The following VPS13A variants were observed in gnomAD, a reference collection of about 807,000 sequenced individuals.
VPS13A encodes the protein vacuolar protein sorting 13 homolog A.
A neutral mutation model predicts 390.9 loss-of-function variants in VPS13A; 264 were observed. The observed-to-expected ratio is 0.68, with a 90% CI of 0.61 to 0.75. The LOEUF (loss-of-function observed/expected upper bound fraction) is 0.75. VPS13A is among the 30% of genes least tolerant of loss of function. The pLI is 0.00. For synonymous variants in VPS13A, 1,231 were observed against 1,227.1 expected (o/e 1.00, Z -0.07); for missense variants, 3,409 against 3,733.9 (o/e 0.91, Z 2.27).
In VPS13A at chr9:77,419,500, C is replaced by G. The variant is rs1377431488; in HGVS notation, c.*3494C>G. On this transcript the variant is annotated 3_prime_UTR_variant, in exon 72 of 72. Transcript: ENST00000360280. ...GAGTCTGGATTGTGTGGAGCCTGACCTTAGATAAGGAGCAGCAGATCCACA... is the reference window on the plus strand; with the variant it reads ...GAGTCTGGATTGTGTGGAGCCTGACGTTAGATAAGGAGCAGCAGATCCACA... 1 of 152,144 alleles carries G rather than the reference C, an allele frequency of 6.6e-6. No individual in the cohort carries two copies. 9.4% of individuals were successfully genotyped at this position (152,144 alleles called of 1,614,324 possible).
intron 20 of VPS13A, 41 bp downstream of exon 20, chr9:77,247,436 G>T (rs1824879696): frequency 1.3e-6 from 2 of 1,539,598 alleles, no homozygotes; most frequent in Non-Finnish European, 1.8e-6. Context: ...CAGCATTTGG[G>T]GTGTTTCTTT....
At chr9:77,227,615 C>T (rs1235617191) in intron 16 of VPS13A, 130 bp downstream of exon 16, 1 of 687,514 alleles carries the variant, frequency 1.5e-6, no homozygotes, top group Non-Finnish European at 2.5e-6. Context: ...AACCTGGCCT[C>T]AAGCAATCCT....
chr9:77,321,386 T>C lies in VPS13A; in HGVS notation c.5574+59T>C, dbSNP rs1829736714. 1.9e-6 allele frequency: 3 copies of C among 1,581,430 alleles called. No homozygotes were observed. In the African/African-American group the frequency reaches 4.0e-5, roughly 21 times the overall value. On this transcript the variant is annotated intron_variant, in intron 43 of 71. Coordinates refer to ENST00000360280, the MANE Select transcript of VPS13A (RefSeq NM_033305.3). ...GATACTTGTCTGATTGATCTGTCTG[T>C]TGAATAAGAAGTTTAATAACTTAGT...
intron 39 of VPS13A, among the ~76,000 whole-genome samples, chr9:77,317,031 T>G (rs1466717670): frequency 6.6e-6 from 1 of 151,996 alleles, no homozygotes; most frequent in Non-Finnish European, 1.5e-5. Context: ...AAGCATAAGT[T>G]TTTGTTTGTT....
At position 77,235,737 on chromosome 9, in the gene VPS13A, T is replaced by A. The variant is rs112698609; in HGVS notation, c.1596-2265T>A. Among the ~76,000 whole-genome samples the A allele has an allele frequency of 2.5e-3, 384 of 152,322 alleles. 1 individual carries two copies. The highest frequency in any genetic ancestry group is 8.7e-3 in the African/African-American group (361 of 41,598). On this transcript the variant is annotated intron_variant, in intron 17 of 71. Coordinates refer to ENST00000360280, the MANE Select transcript of VPS13A (RefSeq NM_033305.3). Reference sequence around the variant, plus strand: ...CTGTTCATTGTTCTTCATTATTCTTTATGCTCCACAGACTCAATAATTTCA... The same window carrying A: ...CTGTTCATTGTTCTTCATTATTCTTAATGCTCCACAGACTCAATAATTTCA...
At chr9:77,290,211 G>T (rs1215672892) in intron 31 of VPS13A, among the ~76,000 whole-genome samples, 1 of 152,112 alleles carries the variant, frequency 6.6e-6, no homozygotes, top group Non-Finnish European at 1.5e-5. Context: ...TTGCTGGGTT[G>T]TGTTTTCCCC....
chr9:77,384,199 T>C (rs1236759507), intron 68 of VPS13A, among the ~76,000 whole-genome samples: 1 of 151,852 alleles, frequency 6.6e-6, no homozygotes, highest in Non-Finnish European at 1.5e-5. Context: ...CACTAAATTA[T>C]ATACACTCAT....
At chr9:77,399,178 A>T (rs1376096352) in intron 68 of VPS13A, among the ~76,000 whole-genome samples, 3 of 89,748 alleles carry the variant, frequency 3.3e-5, no homozygotes, top group Admixed American at 1.1e-4. Context: ...AAAAAAAAAA[A>T]AATAAAAAAA....
Position 77,391,411 on chromosome 9 carries a change from G to C in VPS13A, c.9189+9324G>C, listed in dbSNP as rs149122239. 5.8e-3 allele frequency among the ~76,000 whole-genome samples: 877 copies of C among 152,210 alleles called. 13 individuals are homozygous for C. The highest frequency in any genetic ancestry group is 0.02 in the African/African-American group (847 of 41,532). ...AGTTATCATGCAAAATCAGATTAGA[G>C]GCCTCTTTTCACTCATCCAAAAACA... On this transcript the variant is annotated intron_variant, in intron 68 of 71. Coordinates refer to ENST00000360280, the MANE Select transcript of VPS13A (RefSeq NM_033305.3).
intron 45 of VPS13A, among the ~76,000 whole-genome samples, chr9:77,328,683 C>T (rs953382053): frequency 4.6e-5 from 7 of 152,208 alleles, no homozygotes; most frequent in Non-Finnish European, 8.8e-5. Context: ...TTCCCTTAAA[C>T]CTCGTGAACA....
rs541050921 is a variant in VPS13A, at chr9:77,332,778, T to C, written c.6095+665T>C. Among the ~76,000 whole-genome samples the C allele has an allele frequency of 2.6e-5, 4 of 152,302 alleles. No individual in the cohort carries two copies. The East Asian group carries it at 5.8e-4, about 22-fold the overall frequency. On this transcript the variant is annotated intron_variant, in intron 46 of 71. Coordinates refer to ENST00000360280, the MANE Select transcript of VPS13A (RefSeq NM_033305.3). ...TGGAGAATAAAACTGTTCTCAGAAT[T>C]AAGCATTGTAGTTTGTTTAAATACC...
In VPS13A at chr9:77,340,442, T is replaced by A; in HGVS notation, c.6918T>A (p.Thr2306=). The A allele has an allele frequency of 6.2e-7, 1 of 1,613,566 alleles. No individual in the cohort carries two copies. Among genetic ancestry groups the A allele is most frequent in the East Asian group, 2.2e-5 (1 of 44,758 alleles). ...TAGACCTGAGCAGTTTTAACATTAC[T>A]AGAATTGTGACATTTACCCCTTTTT... ...VTIDLSSFNI[T]RIVTFTPFYM... The change falls in exon 50 of 72, where the codon ACT becomes ACA. Residue 2306 remains threonine, a synonymous_variant. Transcript: ENST00000360280.
chr9:77,410,957 C>T (rs1834890267), intron 71 of VPS13A, among the ~76,000 whole-genome samples: 1 of 152,192 alleles, frequency 6.6e-6, no homozygotes, highest in East Asian at 1.9e-4. Context: ...ATCTACAGAA[C>T]TCTCCACCCC....
At position 77,371,043 on chromosome 9, in the gene VPS13A, G is replaced by C. The variant is rs778668066; in HGVS notation, c.8971G>C (p.Ala2991Pro). The change falls in exon 67 of 72, where the codon GCA becomes CCA. Residue 2991 changes from alanine (A) to proline (P), a missense_variant. Ala to Pro is a conservative substitution (Grantham distance 27). Transcript: ENST00000360280. ...CTTTCCAGGAGCTCAAAAAGGAGGA[G>C]CAGCTGGTTTCTTTAAAGGTGTTGG... ...KPIKGAQKGG[A>P]AGFFKGVGKG... is the part of the protein sequence containing the mutation. The C allele has an allele frequency of 7.4e-6, 12 of 1,614,024 alleles. No individual in the cohort carries two copies. The highest frequency in any genetic ancestry group is 1.0e-5 in the Non-Finnish European group (12 of 1,180,018).
At chr9:77,411,718 A>T (rs993104769) in intron 71 of VPS13A, among the ~76,000 whole-genome samples, 20 of 151,254 alleles carry the variant, frequency 1.3e-4, no homozygotes, top group Admixed American at 2.0e-4. Flanking sequence ...ACACATTCAA[A>T]AGCTAGCAGA....
rs757415947 is a variant in VPS13A, at chr9:77,317,651, A to G, written c.4909A>G (p.Thr1637Ala). The G allele has an allele frequency of 6.2e-7, 1 of 1,603,814 alleles. No homozygotes were observed. Residue 1637 changes from threonine to alanine, a missense_variant, in exon 40 of 72, where the codon ACA becomes GCA. Coordinates refer to ENST00000360280, the MANE Select transcript of VPS13A (RefSeq NM_033305.3). Reference sequence around the variant, plus strand: ...GTTTTATCAAACTACTCAGAAAGGTACAGATCCACAAGTGATCGATATGTC... The same window carrying G: ...GTTTTATCAAACTACTCAGAAAGGTGCAGATCCACAAGTGATCGATATGTC... Reference protein sequence around the residue: ...DLFYQTTQKGTDPQVIDMSVK... With the variant: ...DLFYQTTQKGADPQVIDMSVK...
chr9:77,323,400 G>A (rs1272706567), intron 45 of VPS13A, among the ~76,000 whole-genome samples, 173 bp downstream of exon 45: 3 of 151,974 alleles, frequency 2.0e-5, no homozygotes, highest in Non-Finnish European at 2.9e-5. Context: ...TATGACGGGT[G>A]GTAGGAATTT....
At position 77,317,662 on chromosome 9, in the gene VPS13A, A is replaced by G. The variant is rs1401982418; in HGVS notation, c.4920A>G (p.Gln1640=). ...CTACTCAGAAAGGTACAGATCCACA[A>G]GTGATCGATATGTCAGTAAAATCCC... ...YQTTQKGTDP[Q]VIDMSVKSLT... is the part of the protein sequence containing the mutation. The change falls in exon 40 of 72, where the codon CAA becomes CAG. Residue 1640 remains glutamine, a synonymous_variant. Transcript: ENST00000360280. The G allele has an allele frequency of 6.2e-7, 1 of 1,601,678 alleles. No homozygotes were observed. The highest frequency in any genetic ancestry group is 1.7e-5 in the Admixed American group (1 of 59,514).
At position 77,420,590 on chromosome 9, in the gene VPS13A, ATTAAT is replaced by A. The variant is rs906009540; in HGVS notation, c.*4588_*4592del. ...TTTTTATTACTTTATACAAATACAA[ATTAAT>A]TTATATTATAGTTTAACACCTGCTA... On this transcript the variant is annotated 3_prime_UTR_variant, in exon 72 of 72. Coordinates refer to ENST00000360280, the MANE Select transcript of VPS13A (RefSeq NM_033305.3). 5 of 152,202 alleles carry A rather than the reference ATTAAT, an allele frequency of 3.3e-5. No homozygotes were observed. The highest frequency in any genetic ancestry group is 2.9e-5 in the Non-Finnish European group (2 of 68,032). 9.4% of individuals were successfully genotyped at this position (152,202 alleles called of 1,614,324 possible). A position where few individuals can be genotyped will look rare whatever the true frequency, so the allele number is the denominator to read the frequency against.
Sources: gnomAD v4.1 joint callset for allele counts (sites outside exome capture counted in the v4.1 genomes callset) on GRCh38, gnomAD v4.1.1 for gene constraint, MANE v1.5 for transcripts, NCBI Gene and HGNC (gene_info 2026-07-23, HGNC 2026-07-21) for gene names.